The following LYPLAL1 variants were observed in gnomAD, a reference collection of about 807,000 sequenced individuals.
The protein encoded by LYPLAL1 is lysophospholipase like 1.
A neutral mutation model predicts 19.7 loss-of-function variants in LYPLAL1; 23 were observed. The observed-to-expected ratio is 1.17, with a 90% CI of 0.84 to 1.65. The LOEUF (loss-of-function observed/expected upper bound fraction) is 1.65, where lower values mean the gene tolerates loss of function less well. Among genes scored for constraint, LYPLAL1 ranks in the 40% most tolerant of loss-of-function variants. The probability of loss-of-function intolerance (pLI) is 0.00; values close to 1 mark genes in which losing one functional copy is unlikely to be tolerated. For missense variants in LYPLAL1, 355 were observed against 279.4 expected, an observed-to-expected ratio of 1.27 and a Z score of -1.93; for synonymous variants, 119 against 96.3, an observed-to-expected ratio of 1.24 and a Z score of -1.38.
At chr1:219,238,122 C>T in the LYPLAL1 span, among the ~76,000 whole-genome samples, 7 of 103,866 alleles carry the variant, frequency 6.7e-5, no homozygotes, top group South Asian at 3.3e-4. Context: ...TGGATCTAAA[C>T]TTTTTTTTTT....
the LYPLAL1 span, among the ~76,000 whole-genome samples, chr1:219,396,184 A>G: frequency 6.6e-6 from 1 of 151,734 alleles, no homozygotes. Context: ...TTTATTGAAT[A>G]AGGTGTCTTT....
the LYPLAL1 span, among the ~76,000 whole-genome samples, chr1:219,221,520 A>C: frequency 6.6e-6 from 1 of 152,152 alleles, no homozygotes; most frequent in Non-Finnish European, 1.5e-5. Context: ...CAAGTCAAAG[A>C]GTTACAGTTC....
chr1:219,342,923 T>C, the LYPLAL1 span, among the ~76,000 whole-genome samples: 10 of 152,206 alleles, frequency 6.6e-5, no homozygotes, highest in Non-Finnish European at 2.9e-5. Flanking sequence ...ATTTAGTCCC[T>C]TTTTTCTTAT....
chr1:219,327,181 A>G, the LYPLAL1 span, among the ~76,000 whole-genome samples: 1 of 152,160 alleles, frequency 6.6e-6, no homozygotes, highest in Non-Finnish European at 1.5e-5. Flanking sequence ...TGTGCTCTCC[A>G]TTAGCCAGCC....
intron 1 of LYPLAL1, among the ~76,000 whole-genome samples, chr1:219,176,934 G>A (rs550407719): frequency 6.6e-6 from 1 of 152,298 alleles, no homozygotes; most frequent in South Asian, 2.1e-4. Flanking sequence ...TGCTCTCATG[G>A]AGCTTATGTT....
chr1:219,314,988 A>C, the LYPLAL1 span, among the ~76,000 whole-genome samples: 3 of 152,048 alleles, frequency 2.0e-5, no homozygotes, highest in Non-Finnish European at 2.9e-5. Context: ...GTGTGTGTAC[A>C]TGTTGGGATG....
At chr1:219,188,008 A>C (rs530006676) in intron 2 of LYPLAL1, among the ~76,000 whole-genome samples, 6 of 151,416 alleles carry the variant, frequency 4.0e-5, no homozygotes, top group African/African-American at 1.2e-4. Context: ...AGATTTTATA[A>C]GAGTTAAAGT....
At chr1:219,231,370 C>T in the LYPLAL1 span, among the ~76,000 whole-genome samples, 1 of 152,006 alleles carries the variant, frequency 6.6e-6, no homozygotes, top group African/African-American at 2.4e-5. Flanking sequence ...ATGTCAAAGC[C>T]CATGGTATGT....
chr1:219,193,229 CAAG>C lies in LYPLAL1; in HGVS notation c.345_347del (p.Lys115del), dbSNP rs747775937. On this transcript the variant is annotated inframe_deletion, in exon 3 of 5. Coordinates refer to ENST00000366928, the MANE Select transcript of LYPLAL1 (RefSeq NM_138794.5). ...TTGATGAAGAAGTAAAAAGTGGCATCAAGAAGAACAGGATATTAATAGGTAAGA... is the reference window on the plus strand; with the variant it reads ...TTGATGAAGAAGTAAAAAGTGGCATCAAGAACAGGATATTAATAGGTAAGA... 2 of 1,609,674 alleles carry C rather than the reference CAAG, an allele frequency of 1.2e-6. No homozygotes were observed. The highest frequency in any genetic ancestry group is 1.7e-6 in the Non-Finnish European group (2 of 1,177,262).
At chr1:219,421,892 C>T in the LYPLAL1 span, among the ~76,000 whole-genome samples, 2 of 152,136 alleles carry the variant, frequency 1.3e-5, no homozygotes, top group Non-Finnish European at 2.9e-5. Flanking sequence ...TAGGTGGTTA[C>T]TCTTTGTTAT....
the LYPLAL1 span, among the ~76,000 whole-genome samples, chr1:219,351,326 C>G: frequency 2.0e-4 from 30 of 152,028 alleles, no homozygotes; most frequent in African/African-American, 6.8e-4. Flanking sequence ...AATATTTACT[C>G]TGGCCTAGGA....
At chr1:219,193,672 A>C (rs1323547718) in intron 3 of LYPLAL1, among the ~76,000 whole-genome samples, 3 of 151,880 alleles carry the variant, frequency 2.0e-5, no homozygotes. Context: ...ATCTCACAAG[A>C]ATATTTGTAA....
chr1:219,226,304 A>C, the LYPLAL1 span, among the ~76,000 whole-genome samples: 1 of 152,206 alleles, frequency 6.6e-6, no homozygotes, highest in Non-Finnish European at 1.5e-5. Flanking sequence ...TTATTTCATA[A>C]GAATCCAGGG....
At chr1:219,382,460 C>T in the LYPLAL1 span, among the ~76,000 whole-genome samples, 2 of 152,132 alleles carry the variant, frequency 1.3e-5, no homozygotes, top group Non-Finnish European at 2.9e-5. Flanking sequence ...CCCGGGGTCA[C>T]GTCATTCTCC....
chr1:219,214,784 G>A (rs1659229603), downstream of LYPLAL1, among the ~76,000 whole-genome samples: 1 of 150,750 alleles, frequency 6.6e-6, no homozygotes, highest in African/African-American at 2.4e-5. Context: ...CCACCTCCTG[G>A]GTTCAAGAGA....
the LYPLAL1 span, among the ~76,000 whole-genome samples, chr1:219,245,884 A>G: frequency 1.3e-5 from 2 of 152,150 alleles, no homozygotes; most frequent in African/African-American, 4.8e-5. Flanking sequence ...TCTAAACTGC[A>G]CACTGTGGAC....
intron 3 of LYPLAL1, among the ~76,000 whole-genome samples, chr1:219,203,224 T>C (rs980394394): frequency 2.6e-5 from 4 of 152,250 alleles, no homozygotes; most frequent in South Asian, 2.1e-4. Flanking sequence ...TTGATGTAGA[T>C]AGGAGCCCAT....
the LYPLAL1 span, among the ~76,000 whole-genome samples, chr1:219,443,487 T>C: frequency 6.6e-6 from 1 of 152,234 alleles, no homozygotes; most frequent in South Asian, 2.1e-4. Flanking sequence ...ATATTTTATT[T>C]CATCTCATTT....
the LYPLAL1 span, among the ~76,000 whole-genome samples, chr1:219,276,109 C>T: frequency 6.6e-6 from 1 of 152,098 alleles, no homozygotes; most frequent in African/African-American, 2.4e-5. Flanking sequence ...GCCTTTGAAG[C>T]GAGGTAATTT....
Sources: allele counts gnomAD v4.1 joint callset (sites outside exome capture counted in the v4.1 genomes callset), GRCh38; gene constraint gnomAD v4.1.1; transcripts MANE v1.5; gene names NCBI Gene and HGNC (gene_info 2026-07-23, HGNC 2026-07-21).